The following CFAP46 variants were observed in gnomAD, a reference collection of about 807,000 sequenced individuals.
The protein encoded by CFAP46 is cilia- and flagella-associated protein 46.
In CFAP46, 245 loss-of-function variants were observed where a neutral mutation model predicts 325.7. That is an observed-to-expected ratio of 0.75 (90% CI 0.68 to 0.84). CFAP46 has a LOEUF of 0.84. Among genes scored for constraint, CFAP46 ranks in the 40% least tolerant of loss-of-function variants. CFAP46 has a pLI of 0.00. For missense variants in CFAP46, 3,346 were observed against 3,543.0 expected, an observed-to-expected ratio of 0.94 and a Z score of 1.41; for synonymous variants, 1,523 against 1,495.9, an observed-to-expected ratio of 1.02 and a Z score of -0.42.
At position 132,858,180 on chromosome 10, in the gene CFAP46, G is replaced by A. The variant is rs149500590; in HGVS notation, c.5376-392C>T. Among the ~76,000 whole-genome samples, 771 of 152,310 alleles carry A rather than the reference G, an allele frequency of 5.1e-3. 2 individuals carry two copies. Among genetic ancestry groups the A allele is most frequent in the Middle Eastern group, 0.014 (4 of 294 alleles). On this transcript the variant is annotated intron_variant, in intron 38 of 57. Coordinates refer to ENST00000368586, the MANE Select transcript of CFAP46 (RefSeq NM_001200049.3). Reference sequence around the variant, plus strand: ...CCCTCGCGCAGGCTTCTACACGCCCGCACTGGGCCCGCCGTGTCGAGACGC... The same window carrying A: ...CCCTCGCGCAGGCTTCTACACGCCCACACTGGGCCCGCCGTGTCGAGACGC...
intron 55 of CFAP46, among the ~76,000 whole-genome samples, chr10:132,811,499 C>T: frequency 6.6e-6 from 1 of 152,164 alleles, no homozygotes. Context: ...TGGCAGGCTC[C>T]TGGGATGCAG....
In CFAP46 at chr10:132,886,160, C is replaced by T. The variant is rs745581479; in HGVS notation, c.3305-201G>A. Among the ~76,000 whole-genome samples the T allele has an allele frequency of 1.1e-4, 17 of 152,188 alleles. No individual in the cohort carries two copies. The highest frequency in any genetic ancestry group is 7.2e-4 in the Admixed American group (11 of 15,282). ...CCCCTCCAGCCCCACAGTGGCCACC[C>T]GGGATGCCCTTTCCGTTGCAGGAAG... On this transcript the variant is annotated intron_variant, in intron 25 of 57. Transcript: ENST00000368586. This position sits in a 1 kb window ranked among gnomAD's most constrained non-coding sequence, Gnocchi z 5.8.
At chr10:132,881,480 G>A (rs11146560) in intron 27 of CFAP46, among the ~76,000 whole-genome samples, 10,039 of 152,270 alleles carry the variant, frequency 0.066, 380 homozygotes, top group Non-Finnish European at 0.078. Context: ...CCTGTCCTGC[G>A]TCCAGATGCA....
chr10:132,887,028 TCTCTC>T (rs1405254762), intron 25 of CFAP46, among the ~76,000 whole-genome samples: 2 of 150,720 alleles, frequency 1.3e-5, no homozygotes, highest in Non-Finnish European at 3.0e-5. Flanking sequence ...TCTGCTCTCT[TCTCTC>T]TTCTTTCTCC....
At chr10:132,835,271 C>A (rs762216079) in intron 47 of CFAP46, 33 bp downstream of exon 47, 1 of 1,608,160 alleles carries the variant, frequency 6.2e-7, no homozygotes, top group Non-Finnish European at 8.5e-7. Flanking sequence ...CAGAGGGTCC[C>A]GGCTGGGTGG....
rs7896295 is a variant in CFAP46 at position 132,836,759 on chromosome 10, C to T, written c.6536+58G>A. The T allele has an allele frequency of 1.1e-3, 1,531 of 1,453,760 alleles. 15 individuals are homozygous for T. In the African/African-American group the frequency reaches 0.019, roughly 18 times the overall value. The allele number at this position is 1,453,760 out of a possible 1,614,324, so 90.1% of individuals were successfully genotyped here. ...TGGGCAGCCCACGGCTGGGTCTCTGCCTCCCTGAGGCCTCTCAGCGGGCTG... is the reference window on the plus strand; with the variant it reads ...TGGGCAGCCCACGGCTGGGTCTCTGTCTCCCTGAGGCCTCTCAGCGGGCTG... On this transcript the variant is annotated intron_variant, in intron 45 of 57. Coordinates refer to ENST00000368586, the MANE Select transcript of CFAP46 (RefSeq NM_001200049.3).
intron 13 of CFAP46, among the ~76,000 whole-genome samples, chr10:132,920,501 C>T (rs1233847512): frequency 5.3e-5 from 8 of 152,216 alleles, no homozygotes; most frequent in Non-Finnish European, 1.2e-4. Context: ...CAAGCAGAGG[C>T]ACCCGGCCTC....
intron 53 of CFAP46, 36 bp from the exon 54 acceptor site, chr10:132,814,290 T>G: frequency 6.5e-7 from 1 of 1,548,932 alleles, no homozygotes; most frequent in Non-Finnish European, 8.9e-7. Context: ...GACCACGGTG[T>G]TTCATCAGAC....
At chr10:132,842,183 A>G (rs932941795) in intron 44 of CFAP46, among the ~76,000 whole-genome samples, 1 of 152,154 alleles carries the variant, frequency 6.6e-6, no homozygotes, top group Non-Finnish European at 1.5e-5. Flanking sequence ...CAGCAGCCTA[A>G]TTCTTTGCTG....
chr10:132,824,422 AGTGCTGATGTGTGCTGT>A (rs1188794349), intron 50 of CFAP46, among the ~76,000 whole-genome samples: 2,554 of 84,424 alleles, frequency 0.03, 43 homozygotes, highest in Middle Eastern at 0.11. Context: ...GTGCTGTGTG[AGTGCTGATGTGTGCTGT>A]GTGCTGATGT....
chr10:132,872,449 G>C, intron 32 of CFAP46: 1 of 530,420 alleles, frequency 1.9e-6, no homozygotes, highest in Non-Finnish European at 3.4e-6. Flanking sequence ...TGTAGAGATG[G>C]GGTCTTGCTA....
chr10:132,929,272 C>A, intron 9 of CFAP46: 1 of 584,054 alleles, frequency 1.7e-6, no homozygotes, highest in East Asian at 2.8e-5. Context: ...TGGCTGTGGC[C>A]TCTCCCTCAG....
chr10:132,895,428 C>G (rs538639428), intron 24 of CFAP46, among the ~76,000 whole-genome samples: 1 of 152,324 alleles, frequency 6.6e-6, no homozygotes, highest in East Asian at 1.9e-4. Context: ...TGCTGCTATT[C>G]CACCAGAGGC....
At position 132,814,242 on chromosome 10, in the gene CFAP46, G is replaced by A. The variant is rs757325575; in HGVS notation, c.7298C>T (p.Pro2433Leu). The change falls in exon 54 of 58, where the codon CCT (proline) becomes CTT (leucine). Residue 2433 changes from proline (P) to leucine (L), a missense_variant. Coordinates refer to ENST00000368586, the MANE Select transcript of CFAP46 (RefSeq NM_001200049.3). ...CAAAATGTCTTGGGTGATGGAGACA[G>A]GAGTTAGCATTTCTGCAAGGAGAAC... ...EEAQGPEMLT[P>L]VSITQDILER... is the part of the protein sequence containing the mutation. The A allele has an allele frequency of 1.2e-6, 2 of 1,613,306 alleles. No homozygotes were observed. The highest frequency in any genetic ancestry group is 1.7e-5 in the Admixed American group (1 of 60,018).
At chr10:132,826,285 C>T (rs372414144) in intron 50 of CFAP46, among the ~76,000 whole-genome samples, 137 of 143,612 alleles carry the variant, frequency 9.5e-4, no homozygotes, top group African/African-American at 3.5e-3. Flanking sequence ...GAGCCGGAGC[C>T]GCAGAGACCC....
At chr10:132,873,776 G>A (rs1481836417) in intron 31 of CFAP46, among the ~76,000 whole-genome samples, 2 of 152,188 alleles carry the variant, frequency 1.3e-5, no homozygotes, top group Non-Finnish European at 2.9e-5. Flanking sequence ...CACTCCCAGT[G>A]AGGCTGATCG....
At position 132,885,274 on chromosome 10, in the gene CFAP46, C is replaced by T. The variant is rs1342935748; in HGVS notation, c.3456G>A (p.Lys1152=). ...PRTAHRLLIF[K]HMVIVKAKLG... ...GCTTGGCCTTCACGATGACCATGTG[C>T]TTGAAGATCAAGCTAAAGAAAGGGA... Residue 1152 remains lysine (K), a synonymous_variant, in exon 27 of 58, where the codon AAG becomes AAA. Transcript: ENST00000368586. The T allele has an allele frequency of 6.5e-7, 1 of 1,546,678 alleles. No individual in the cohort carries two copies. The highest frequency in any genetic ancestry group is 1.4e-5 in the African/African-American group (1 of 72,932).
At chr10:132,878,181 C>T (rs780268093) in intron 29 of CFAP46, 94 bp from the exon 30 acceptor site, 12 of 1,178,310 alleles carry the variant, frequency 1.0e-5, no homozygotes, top group Non-Finnish European at 1.3e-5. Flanking sequence ...CGCTCAGACC[C>T]GCGGGGCTCC....
Position 132,846,106 on chromosome 10 carries a change from G to T in CFAP46, c.6389C>A (p.Thr2130Asn). The change falls in exon 44 of 58, where the codon ACC becomes AAC. Residue 2130 changes from threonine (T) to asparagine (N), a missense_variant. Transcript: ENST00000368586. ...QHQLRCQDRT[T>N]TSLGARVEQR... ...CTCCACACGGGCGCCCAGGCTGGTG[G>T]TGGTCCTGTCTTGGCACCGGAGCTG... The T allele has an allele frequency of 6.2e-7, 1 of 1,607,208 alleles. No individual in the cohort carries two copies. Among genetic ancestry groups the T allele is most frequent in the Non-Finnish European group, 8.5e-7 (1 of 1,179,074 alleles).
Sources: gnomAD v4.1 joint callset for allele counts (sites outside exome capture counted in the v4.1 genomes callset) on GRCh38, gnomAD v4.1.1 for gene constraint, Gnocchi (gnomAD v3.1) non-coding constraint, MANE v1.5 for transcripts, NCBI Gene and HGNC (gene_info 2026-07-23, HGNC 2026-07-21) for gene names.